Variants in RHOQ observed in about 807,000 individuals in gnomAD.
RHOQ encodes the protein ras homolog family member Q.
In RHOQ, 7 loss-of-function variants were observed where a neutral mutation model predicts 25.8. That is an observed-to-expected ratio of 0.27 (90% confidence interval 0.15 to 0.51). The LOEUF is 0.51. Among genes scored for constraint, RHOQ ranks in the 20% least tolerant of loss-of-function variants. The pLI is 0.97. For synonymous variants in RHOQ, 97 were observed against 98.6 expected, an observed-to-expected ratio of 0.98 and a Z score of 0.10; for missense variants, 165 against 260.6, an observed-to-expected ratio of 0.63 and a Z score of 2.53.
intron 1 of RHOQ, 79 bp downstream of exon 1, chr2:46,543,267 C>T: frequency 1.9e-6 from 3 of 1,544,684 alleles, no homozygotes; most frequent in Admixed American, 1.7e-5. Context: ...GCCCCCTCGC[C>T]GCCTCCCCAG....
chr2:46,552,523 T>C lies in RHOQ; in HGVS notation c.201+8711T>C, dbSNP rs1301073187. Among the ~76,000 whole-genome samples the C allele has an allele frequency of 2.6e-5, 4 of 152,222 alleles. No homozygotes were observed. Among genetic ancestry groups the C allele is most frequent in the African/African-American group, 9.6e-5 (4 of 41,454 alleles). ...GGAAGCCTACCTCTGCAAAACTGTT[T>C]GTCCCTCCTTCATCTGAATATTCTC... On this transcript the variant is annotated intron_variant, in intron 2 of 4. Coordinates refer to ENST00000238738, the MANE Select transcript of RHOQ (RefSeq NM_012249.4). The surrounding 1 kb of genome is among the most constrained non-coding windows in gnomAD (Gnocchi z 5.0).
chr2:46,544,949 T>C (rs1452573697), intron 2 of RHOQ, among the ~76,000 whole-genome samples: 1 of 152,220 alleles, frequency 6.6e-6, no homozygotes, highest in Non-Finnish European at 1.5e-5. Flanking sequence ...TTGAAGCTTG[T>C]CTAGATTTGG....
At chr2:46,560,612 C>A (rs1000440154) in intron 2 of RHOQ, 5 of 456,144 alleles carry the variant, frequency 1.1e-5, no homozygotes, top group African/African-American at 2.0e-5. Context: ...TCCTTCCATA[C>A]GAGAGCATGG....
intron 2 of RHOQ, among the ~76,000 whole-genome samples, chr2:46,546,927 G>A (rs1055040552): frequency 2.0e-5 from 3 of 152,110 alleles, no homozygotes; most frequent in African/African-American, 7.2e-5. Flanking sequence ...ACAGCTTTGC[G>A]CATTGTAATT....
rs567064297 is a variant in RHOQ at position 46,550,762 on chromosome 2, C to T, written c.201+6950C>T. On this transcript the variant is annotated intron_variant, in intron 2 of 4. Coordinates refer to ENST00000238738, the MANE Select transcript of RHOQ (RefSeq NM_012249.4). ...GATTAGAAATGATGTATGTCGTTAC[C>T]CTGTAGGGCTTGGTGCTGAGAGTGC... Among the ~76,000 whole-genome samples, 23 of 152,258 alleles carry T rather than the reference C, an allele frequency of 1.5e-4. No individual in the cohort carries two copies. The East Asian group carries it at 2.3e-3, about 15-fold the overall frequency.
chr2:46,569,330 C>T lies in RHOQ; in HGVS notation c.202-6757C>T, dbSNP rs1034368471. 8 of 152,174 alleles carry T rather than the reference C, an allele frequency of 5.3e-5. No individual in the cohort carries two copies. Among genetic ancestry groups the T allele is most frequent in the South Asian group, 2.1e-4 (1 of 4,836 alleles). 9.4% of individuals were successfully genotyped at this position (152,174 alleles called of 1,614,324 possible). On this transcript the variant is annotated intron_variant, in intron 2 of 4. Coordinates refer to ENST00000238738, the MANE Select transcript of RHOQ (RefSeq NM_012249.4). The surrounding 1 kb of genome is among the most constrained non-coding windows in gnomAD (Gnocchi z 4.1). ...GAATCCTAAAACTTGATTTTTATCCCGTAGTGTGAACCTCCTCCCACATTA... is the reference window on the plus strand; with the variant it reads ...GAATCCTAAAACTTGATTTTTATCCTGTAGTGTGAACCTCCTCCCACATTA...
At chr2:46,574,741 A>G (rs989967493) in intron 2 of RHOQ, among the ~76,000 whole-genome samples, 3 of 152,222 alleles carry the variant, frequency 2.0e-5, no homozygotes, top group Non-Finnish European at 4.4e-5. Flanking sequence ...CCACCAGTCA[A>G]GGGTTTGGGA....
rs1258075002 is a variant in RHOQ, at chr2:46,546,474, GTGTATATATATATATATA to G, written c.201+2664_201+2681del. 5.9e-4 allele frequency among the ~76,000 whole-genome samples: 10 copies of G among 16,954 alleles called. 1 individual carries two copies. The highest frequency in any genetic ancestry group is 8.5e-4 in the Admixed American group (1 of 1,176). 11.1% of individuals were successfully genotyped at this position (16,954 alleles called of 152,430 possible). ...TACATATATATATATATATATATATGTGTATATATATATATATATATATATATATATATATATGTATAT... is the reference window on the plus strand; with the variant it reads ...TACATATATATATATATATATATATGTATATATATATATATATATGTATAT... On this transcript the variant is annotated intron_variant, in intron 2 of 4. Coordinates refer to ENST00000238738, the MANE Select transcript of RHOQ (RefSeq NM_012249.4).
intron 2 of RHOQ, among the ~76,000 whole-genome samples, chr2:46,544,612 C>A (rs1038097810): frequency 1.3e-5 from 2 of 152,202 alleles, no homozygotes; most frequent in African/African-American, 4.8e-5. Context: ...TCTCTGTCTC[C>A]CTGTCCCAGC....
intron 2 of RHOQ, among the ~76,000 whole-genome samples, chr2:46,561,787 A>T (rs1668587339): frequency 6.6e-6 from 1 of 152,172 alleles, no homozygotes; most frequent in South Asian, 2.1e-4. Context: ...ATTAAGAGGT[A>T]GGTCATACTG....
rs56002979 is a variant in RHOQ at position 46,575,399 on chromosome 2, T to TCACACACA, written c.202-651_202-644dup. Among the ~76,000 whole-genome samples the TCACACACA allele has an allele frequency of 6.4e-3, 884 of 138,292 alleles. 6 individuals carry two copies. The highest frequency in any genetic ancestry group is 9.6e-3 in the Non-Finnish European group (610 of 63,810). The allele number at this position is 138,292 out of a possible 152,430, so 90.7% of individuals were successfully genotyped here. ...ACTGTGTATGTTTCTCTTTAAATCT[T>TCACACACA]CACACACACACACACACACACACAC... On this transcript the variant is annotated intron_variant, in intron 2 of 4. Transcript: ENST00000238738.
intron 2 of RHOQ, chr2:46,568,759 A>C (rs1036841813): frequency 6.6e-6 from 1 of 152,192 alleles, no homozygotes; most frequent in Non-Finnish European, 1.5e-5. Context: ...GTACTGCCCT[A>C]GCTGAGAGCC....
intron 4 of RHOQ, among the ~76,000 whole-genome samples, chr2:46,577,632 G>C (rs573346857): frequency 7.0e-6 from 1 of 143,566 alleles, no homozygotes; most frequent in Non-Finnish European, 1.5e-5. Flanking sequence ...AGCCAGGATG[G>C]TCTCGACCTC....
In RHOQ at chr2:46,542,701, C is replaced by T. The variant is rs888633488; in HGVS notation, c.-346C>T. ...GGCCCCTCCCCTCCGCCGCCCTCCC[C>T]AAAGTTGCCGTCTCCCCCGGGGCCG... is the stretch of plus-strand genomic sequence containing the variant. On this transcript the variant is annotated 5_prime_UTR_variant, in exon 1 of 5. Coordinates refer to ENST00000238738, the MANE Select transcript of RHOQ (RefSeq NM_012249.4). 3.4e-5 allele frequency: 5 copies of T among 146,914 alleles called. No individual in the cohort carries two copies. Among genetic ancestry groups the T allele is most frequent in the East Asian group, 3.9e-4 (2 of 5,110 alleles). The allele number at this position is 146,914 out of a possible 1,614,324, so 9.1% of individuals were successfully genotyped here.
chr2:46,550,316 C>A (rs1668201861), intron 2 of RHOQ, among the ~76,000 whole-genome samples: 1 of 152,086 alleles, frequency 6.6e-6, no homozygotes. Context: ...GGACTAAAGT[C>A]ATAGCTGCTA....
intron 2 of RHOQ, among the ~76,000 whole-genome samples, chr2:46,573,538 T>C (rs1468791753): frequency 6.6e-6 from 1 of 152,224 alleles, no homozygotes; most frequent in Non-Finnish European, 1.5e-5. Context: ...TTAAGAAATA[T>C]CTAGAAATGA....
In RHOQ at chr2:46,582,211, A is replaced by G. The variant is rs1669413633; in HGVS notation, c.*1128A>G. On this transcript the variant is annotated 3_prime_UTR_variant, in exon 5 of 5. Transcript: ENST00000238738. ...CCCTTTTCTCCAGCCATATTACATC[A>G]GGCTAGAAGTAATTAATGTTGATTT... is the stretch of plus-strand genomic sequence containing the variant. 6.6e-6 allele frequency: 1 copy of G among 152,076 alleles called. No individual in the cohort carries two copies. Among genetic ancestry groups the G allele is most frequent in the Non-Finnish European group, 1.5e-5 (1 of 68,014 alleles). The allele number at this position is 152,076 out of a possible 1,614,324, so 9.4% of individuals were successfully genotyped here.
At chr2:46,558,520 CCTG>C in intron 2 of RHOQ, among the ~76,000 whole-genome samples, 1 of 152,324 alleles carries the variant, frequency 6.6e-6, no homozygotes, top group South Asian at 2.1e-4. Flanking sequence ...CCCCTGCCAA[CCTG>C]ATCCCTGATC....
intron 2 of RHOQ, among the ~76,000 whole-genome samples, chr2:46,562,478 T>C (rs1668606275): frequency 6.6e-6 from 1 of 152,244 alleles, no homozygotes; most frequent in Non-Finnish European, 1.5e-5. Context: ...TCTCACTGGC[T>C]CTTGCTTTGC....
Sources: gnomAD v4.1 joint callset for allele counts (sites outside exome capture counted in the v4.1 genomes callset) on GRCh38, gnomAD v4.1.1 for gene constraint, Gnocchi (gnomAD v3.1) non-coding constraint, MANE v1.5 for transcripts, NCBI Gene and HGNC (gene_info 2026-07-23, HGNC 2026-07-21) for gene names.